Variants in SPECC1L observed in about 807,000 individuals in gnomAD.
SPECC1L encodes the protein cytospin-A.
Under a neutral mutation model 116.8 loss-of-function variants are expected in SPECC1L, and 40 were observed. The observed-to-expected ratio is 0.34, with a 90% CI of 0.27 to 0.45. SPECC1L has a LOEUF of 0.45. Ranked by LOEUF, SPECC1L falls within the 20% of genes least tolerant of loss-of-function variation. The pLI is 1.00. For missense variants in SPECC1L, 1,110 were observed against 1,373.6 expected (o/e 0.81, Z 3.03); for synonymous variants, 504 against 500.6 (o/e 1.01, Z -0.09).
intron 11 of SPECC1L, among the ~76,000 whole-genome samples, chr22:24,356,174 CAGTT>C (rs557981837): frequency 7.2e-5 from 11 of 152,082 alleles, no homozygotes; most frequent in Non-Finnish European, 1.2e-4. Context: ...TTATAAATAT[CAGTT>C]AGATCTAGTT....
chr22:24,406,159 C>G (rs1295283630), intron 14 of SPECC1L, among the ~76,000 whole-genome samples: 5 of 152,196 alleles, frequency 3.3e-5, no homozygotes, highest in African/African-American at 1.2e-4. Context: ...TCACCTGTTG[C>G]CACCTTAGAA....
At chr22:24,373,715 G>C (rs1487779296) in intron 14 of SPECC1L, among the ~76,000 whole-genome samples, 4 of 152,138 alleles carry the variant, frequency 2.6e-5, no homozygotes, top group Non-Finnish European at 4.4e-5. Context: ...ATAGGCATGG[G>C]CAAGGACTTC....
intron 14 of SPECC1L, among the ~76,000 whole-genome samples, chr22:24,376,429 C>A (rs1601309637): frequency 6.6e-6 from 1 of 152,124 alleles, no homozygotes; most frequent in African/African-American, 2.4e-5. Context: ...CTTGCATTTA[C>A]ATATAGTAAC....
chr22:24,399,277 A>G (rs940636872), intron 14 of SPECC1L, among the ~76,000 whole-genome samples: 1 of 152,222 alleles, frequency 6.6e-6, no homozygotes, highest in Non-Finnish European at 1.5e-5. Flanking sequence ...ATTTGACTAA[A>G]AAAAGTTAAA....
intron 14 of SPECC1L, among the ~76,000 whole-genome samples, chr22:24,401,842 C>G (rs1271336384): frequency 2.0e-5 from 3 of 152,158 alleles, no homozygotes; most frequent in Non-Finnish European, 4.4e-5. Context: ...GAATGAATGT[C>G]TCTGGGGTGG....
At chr22:24,384,140 T>C (rs2042117155) in intron 14 of SPECC1L, among the ~76,000 whole-genome samples, 1 of 148,466 alleles carries the variant, frequency 6.7e-6, no homozygotes, top group African/African-American at 2.5e-5. Flanking sequence ...AGGGACATAA[T>C]AGAAGGGTTA....
At chr22:24,273,374 T>C (rs963799712) in intron 1 of SPECC1L, among the ~76,000 whole-genome samples, 3 of 152,252 alleles carry the variant, frequency 2.0e-5, no homozygotes, top group Non-Finnish European at 4.4e-5. Context: ...CAATTCAATT[T>C]ATTCAATTGA....
chr22:24,412,700 C>A lies in SPECC1L; in HGVS notation c.3257C>A (p.Ser1086Tyr). 1 of 1,614,100 alleles carries A rather than the reference C, an allele frequency of 6.2e-7. No homozygotes were observed. Among genetic ancestry groups the A allele is most frequent in the Non-Finnish European group, 8.5e-7 (1 of 1,180,022 alleles). Residue 1086 changes from serine (S) to tyrosine (Y), a missense_variant, in exon 16 of 17, where the codon TCC becomes TAC. Ser to Tyr is a moderately radical substitution (Grantham distance 144, BLOSUM62 -2). Transcript: ENST00000314328. ...FQAAESVGIKSTLDINEMVRT... is the reference protein window; with the variant it reads ...FQAAESVGIKYTLDINEMVRT... ...GCAGCTGAAAGTGTCGGCATCAAAT[C>A]CACACTGGTGAGCCCTTGTCCCCCT...
intron 14 of SPECC1L, among the ~76,000 whole-genome samples, chr22:24,375,023 TAAAA>T (rs2041945171): frequency 6.6e-6 from 1 of 151,712 alleles, no homozygotes; most frequent in Non-Finnish European, 1.5e-5. Flanking sequence ...CCTTAAGAAA[TAAAA>T]AGGATTAAAA....
chr22:24,340,023 A>C (rs1254303771), intron 10 of SPECC1L, among the ~76,000 whole-genome samples: 2 of 151,834 alleles, frequency 1.3e-5, no homozygotes, highest in Non-Finnish European at 2.9e-5. Flanking sequence ...GAGCTCAGGT[A>C]ATCCACCTGC....
At chr22:24,389,956 T>A (rs767092627) in intron 14 of SPECC1L, among the ~76,000 whole-genome samples, 7 of 152,052 alleles carry the variant, frequency 4.6e-5, no homozygotes, top group Non-Finnish European at 8.8e-5. Context: ...AAAGGTGACT[T>A]TCCTAACCTA....
intron 2 of SPECC1L, among the ~76,000 whole-genome samples, chr22:24,290,594 C>T (rs2049139419): frequency 6.6e-6 from 1 of 152,206 alleles, no homozygotes; most frequent in African/African-American, 2.4e-5. Context: ...CAGAGAATCA[C>T]ATATCTGAAG....
chr22:24,360,963 G>C (rs1182778275), intron 11 of SPECC1L, among the ~76,000 whole-genome samples: 1 of 152,148 alleles, frequency 6.6e-6, no homozygotes, highest in Non-Finnish European at 1.5e-5. Flanking sequence ...TGTTTACACA[G>C]AGATGATGTT....
At chr22:24,380,646 C>G (rs2042048104) in intron 14 of SPECC1L, among the ~76,000 whole-genome samples, 1 of 152,170 alleles carries the variant, frequency 6.6e-6, no homozygotes, top group Admixed American at 6.5e-5. Context: ...ACATTTTTCT[C>G]TTTTAACTTG....
intron 15 of SPECC1L, 76 bp from the exon 16 acceptor site, chr22:24,412,572 C>A (rs1031586488): frequency 7.3e-7 from 1 of 1,364,826 alleles, no homozygotes; most frequent in Non-Finnish European, 1.0e-6. Context: ...ATGCATCTGT[C>A]CCAGGCAGTT....
At chr22:24,335,213 A>G (rs2041027603) in intron 9 of SPECC1L, among the ~76,000 whole-genome samples, 1 of 152,228 alleles carries the variant, frequency 6.6e-6, no homozygotes, top group Non-Finnish European at 1.5e-5. Context: ...TCAAGCCACC[A>G]TCAACCACTA....
At chr22:24,353,268 T>C (rs947043019) in intron 11 of SPECC1L, among the ~76,000 whole-genome samples, 1 of 152,162 alleles carries the variant, frequency 6.6e-6, no homozygotes, top group Non-Finnish European at 1.5e-5. Flanking sequence ...AGTTGTCTTA[T>C]CTCTTTAGTC....
chr22:24,321,262 T>C (rs1433137361), intron 4 of SPECC1L, 26 bp from the exon 5 acceptor site: 1 of 1,611,918 alleles, frequency 6.2e-7, no homozygotes, highest in African/African-American at 1.3e-5. Context: ...CATTTTTGCC[T>C]TACATTTTTT....
intron 2 of SPECC1L, among the ~76,000 whole-genome samples, chr22:24,299,454 G>C (rs184677285): frequency 1.6e-4 from 24 of 152,036 alleles, no homozygotes; most frequent in African/African-American, 2.4e-4. Context: ...CGGTGAACAG[G>C]GGGTATTTGG....
Sources: allele counts gnomAD v4.1 joint callset (sites outside exome capture counted in the v4.1 genomes callset), GRCh38; gene constraint gnomAD v4.1.1; transcripts MANE v1.5; gene names NCBI Gene and HGNC (gene_info 2026-07-23, HGNC 2026-07-21).